The following RYR3 variants were observed in gnomAD, a reference collection of about 807,000 sequenced individuals.
RYR3 encodes the protein brain ryanodine receptor-calcium release channel.
A neutral mutation model predicts 584.3 loss-of-function variants in RYR3; 207 were observed. The ratio of observed to expected loss-of-function variants is 0.35; its 90% CI spans 0.32 to 0.40. The LOEUF is 0.40. Ranked by LOEUF, RYR3 falls within the 10% of genes least tolerant of loss-of-function variation. The probability of loss-of-function intolerance (pLI) is 1.00; values close to 1 mark genes in which losing one functional copy is unlikely to be tolerated. For missense variants in RYR3, 5,616 were observed against 6,089.2 expected, an observed-to-expected ratio of 0.92 and a Z score of 2.59; for synonymous variants, 2,416 against 2,248.5, an observed-to-expected ratio of 1.07 and a Z score of -2.11.
In RYR3 at chr15:33,662,962, G is replaced by T. The variant is rs760642188; in HGVS notation, c.5418+14G>T. On this transcript the variant is annotated intron_variant, in intron 35 of 103. Coordinates refer to ENST00000634891, the MANE Select transcript of RYR3 (RefSeq NM_001036.6). ...GTCAAGCTGCAGGTAAGCTGCAGGT[G>T]GTTAAGTGGAGGCAGGTTAATAGAT... is the stretch of plus-strand genomic sequence containing the variant. 6 of 1,604,744 alleles carry T rather than the reference G, an allele frequency of 3.7e-6. No individual in the cohort carries two copies. The highest frequency in any genetic ancestry group is 4.3e-6 in the Non-Finnish European group (5 of 1,174,798).
At chr15:33,735,095 C>G (rs1222961102) in intron 48 of RYR3, among the ~76,000 whole-genome samples, 2 of 152,158 alleles carry the variant, frequency 1.3e-5, no homozygotes, top group African/African-American at 4.8e-5. Flanking sequence ...ATGTAGCAGG[C>G]AAACTGATAC....
chr15:33,770,306 A>T (rs2073463790), intron 62 of RYR3, among the ~76,000 whole-genome samples: 1 of 152,162 alleles, frequency 6.6e-6, no homozygotes, highest in Admixed American at 6.5e-5. Context: ...TATTAAAGGG[A>T]TGAGAAATCT....
At chr15:33,665,859 A>G (rs540881402) in intron 36 of RYR3, among the ~76,000 whole-genome samples, 2 of 152,342 alleles carry the variant, frequency 1.3e-5, no homozygotes, top group African/African-American at 4.8e-5. Flanking sequence ...TTAGTATTCT[A>G]AGCAATCCTC....
intron 1 of RYR3, among the ~76,000 whole-genome samples, chr15:33,318,309 A>C (rs2140499940): frequency 6.6e-6 from 1 of 152,372 alleles, no homozygotes; most frequent in East Asian, 1.9e-4. Flanking sequence ...GGTTGGTGTC[A>C]GTGTCACTGT....
At chr15:33,413,176 G>A (rs2043530034) in intron 1 of RYR3, among the ~76,000 whole-genome samples, 1 of 152,208 alleles carries the variant, frequency 6.6e-6, no homozygotes, top group South Asian at 2.1e-4. Context: ...TGAGAAAAGG[G>A]AGGGAGCTTG....
At chr15:33,844,695 T>C in intron 92 of RYR3, 167 bp from the exon 93 acceptor site, 1 of 622,430 alleles carries the variant, frequency 1.6e-6, no homozygotes, top group South Asian at 2.1e-5. Context: ...TTAGAGATAC[T>C]GGGTGATTCC....
rs201672415 is a variant in RYR3, at chr15:33,696,366, C to G, written c.6009C>G (p.Thr2003=). The change falls in exon 39 of 104, where the codon ACC becomes ACG. Residue 2003 remains threonine, a synonymous_variant. Coordinates refer to ENST00000634891, the MANE Select transcript of RYR3 (RefSeq NM_001036.6). ...IGELLQALRK[T]YTISHTSVSD... ...AGCTGCTGCAGGCGCTGCGGAAGACCTACACCATCAGCCACACCTCTGTAA... is the reference window on the plus strand; with the variant it reads ...AGCTGCTGCAGGCGCTGCGGAAGACGTACACCATCAGCCACACCTCTGTAA... The G allele has an allele frequency of 1.1e-4, 174 of 1,613,904 alleles. 1 individual carries two copies. The African/African-American group carries it at 2.1e-3, about 20-fold the overall frequency.
chr15:33,732,119 C>T (rs1204394595), intron 48 of RYR3, among the ~76,000 whole-genome samples: 4 of 152,014 alleles, frequency 2.6e-5, no homozygotes, highest in Admixed American at 6.5e-5. Flanking sequence ...CGGTGGCTCA[C>T]GCCTGTCATC....
intron 45 of RYR3, among the ~76,000 whole-genome samples, chr15:33,724,880 C>G (rs1323860876): frequency 1.3e-5 from 2 of 151,984 alleles, no homozygotes; most frequent in African/African-American, 4.8e-5. Context: ...CCCACTTAGG[C>G]CTGTTTTTCC....
intron 1 of RYR3, among the ~76,000 whole-genome samples, chr15:33,349,652 G>A (rs1413746153): frequency 2.1e-5 from 3 of 143,994 alleles, no homozygotes; most frequent in Admixed American, 1.4e-4. Context: ...GTGCAGGTTC[G>A]TTACATATGT....
chr15:33,564,563 T>C (rs2152486920), intron 11 of RYR3, among the ~76,000 whole-genome samples: 1 of 152,286 alleles, frequency 6.6e-6, no homozygotes, highest in East Asian at 1.9e-4. Flanking sequence ...ACTTAAATCC[T>C]CTATAGAGTG....
intron 49 of RYR3, among the ~76,000 whole-genome samples, chr15:33,738,159 G>C (rs2069688430): frequency 6.6e-6 from 1 of 152,118 alleles, no homozygotes; most frequent in African/African-American, 2.4e-5. Context: ...AGCACTTTCT[G>C]GTGTGAACTA....
intron 1 of RYR3, chr15:33,465,669 T>C (rs1413941253): frequency 9.7e-6 from 5 of 514,890 alleles, no homozygotes; most frequent in Non-Finnish European, 1.9e-5. Context: ...CTCTGGCTAC[T>C]GTGTGGAGGA....
chr15:33,815,720 G>A, intron 74 of RYR3: 1 of 393,510 alleles, frequency 2.5e-6, no homozygotes, highest in Non-Finnish European at 4.5e-6. Flanking sequence ...TCCACCTTGT[G>A]ATCATCTAAC....
In RYR3 at chr15:33,463,853, G is replaced by A. The variant is rs2048237250; in HGVS notation, c.52-9566G>A. ...CCTCCCTGTTGCTGGAGCCCAAAGG[G>A]TCCTGTAAGCTGTGGGTGCCTCTTT... On this transcript the variant is annotated intron_variant, in intron 1 of 103. Coordinates refer to ENST00000634891, the MANE Select transcript of RYR3 (RefSeq NM_001036.6). Among the ~76,000 whole-genome samples, 4 of 152,300 alleles carry A rather than the reference G, an allele frequency of 2.6e-5. No homozygotes were observed. The South Asian group carries it at 8.3e-4, about 32-fold the overall frequency.
chr15:33,549,411 ATC>A (rs1351555435), intron 9 of RYR3, among the ~76,000 whole-genome samples: 2 of 152,230 alleles, frequency 1.3e-5, no homozygotes, highest in African/African-American at 4.8e-5. Context: ...AATTTCACAC[ATC>A]TCTCTTAAAC....
chr15:33,815,575 A>G (rs575109383), intron 74 of RYR3, among the ~76,000 whole-genome samples: 2 of 152,336 alleles, frequency 1.3e-5, no homozygotes, highest in East Asian at 1.9e-4. Context: ...GGAATTCACT[A>G]TGTCCTTCAT....
rs765969523 is a variant in RYR3 at position 33,670,417 on chromosome 15, A to C, written c.5723-2A>C. ...TTTTCACCCTGTTCTGTGGCTTGCT[A>C]GGGGTTCCTTTGGAAGAAGAGGAAG... is the stretch of plus-strand genomic sequence containing the variant. On this transcript the variant is annotated splice_acceptor_variant, in intron 37 of 103. Transcript: ENST00000634891. LOFTEE classifies it high-confidence loss of function. The C allele has an allele frequency of 6.2e-7, 1 of 1,612,558 alleles. No individual in the cohort carries two copies. The highest frequency in any genetic ancestry group is 1.3e-5 in the African/African-American group (1 of 74,850).
intron 50 of RYR3, 65 bp downstream of exon 50, chr15:33,738,655 C>G (rs1326667619): frequency 6.4e-7 from 1 of 1,570,820 alleles, no homozygotes; most frequent in Non-Finnish European, 8.7e-7. Context: ...CAGATAATAA[C>G]AGCCGTCATC....
Sources: allele counts gnomAD v4.1 joint callset (sites outside exome capture counted in the v4.1 genomes callset), GRCh38; gene constraint gnomAD v4.1.1; transcripts MANE v1.5; gene names NCBI Gene and HGNC (gene_info 2026-07-23, HGNC 2026-07-21).